KAT6A: variants seen among roughly 807,000 people sequenced by gnomAD.
The protein encoded by KAT6A is lysine acetyltransferase 6A.
A neutral mutation model predicts 198.4 loss-of-function variants in KAT6A; 9 were observed. The ratio of observed to expected loss-of-function variants is 0.05; its 90% CI spans 0.03 to 0.08. KAT6A has a LOEUF of 0.08. Among genes scored for constraint, KAT6A ranks in the 10% least tolerant of loss-of-function variants. KAT6A has a pLI of 1.00. For missense variants in KAT6A, 2,077 were observed against 2,509.9 expected, an observed-to-expected ratio of 0.83 and a Z score of 3.69; for synonymous variants, 890 against 883.0, an observed-to-expected ratio of 1.01 and a Z score of -0.14.
rs137881690 is a variant in KAT6A at position 42,045,750 on chromosome 8, G to A, written c.600+2628C>T. Among the ~76,000 whole-genome samples, 78 of 150,370 alleles carry A rather than the reference G, an allele frequency of 5.2e-4. 3 individuals are homozygous for A. The East Asian group carries it at 0.014, about 27-fold the overall frequency. On this transcript the variant is annotated intron_variant, in intron 2 of 16. Coordinates refer to ENST00000265713, the MANE Select transcript of KAT6A (RefSeq NM_006766.5). The stretch of plus-strand genomic sequence containing the variant: ...CACTTTGAGAGACCGAGGTGGGCAG[G>A]TCGCTTGAGGTCAGGAGTTGAGACC...
At chr8:41,988,498 C>T (rs1487296353) in intron 2 of KAT6A, among the ~76,000 whole-genome samples, 1 of 152,104 alleles carries the variant, frequency 6.6e-6, no homozygotes, top group African/African-American at 2.4e-5. Flanking sequence ...AGGAGATAAT[C>T]ACTTGGAGAA....
rs16890946 is a variant in KAT6A, at chr8:41,941,187, T to C, written c.2694A>G (p.Gln898=). The C allele has an allele frequency of 3.0e-3, 4,812 of 1,614,146 alleles. 103 individuals carry two copies. In the African/African-American group the frequency reaches 0.052, roughly 18 times the overall value. The change falls in exon 15 of 17, where the codon CAA becomes CAG. Residue 898 remains glutamine, a synonymous_variant. Transcript: ENST00000265713. ...LEETSSAPQE[Q]YGECGEKSEA... is the part of the protein sequence containing the mutation. ...CTGATTTCTCCCCACATTCTCCATA[T>C]TGTTCCTGAGGAGCTGAAGACGTCT...
rs1054704165 is a variant in KAT6A at position 41,986,061 on chromosome 8, C to T, written c.709+1394G>A. Among the ~76,000 whole-genome samples the T allele has an allele frequency of 4.6e-5, 7 of 152,272 alleles. No individual in the cohort carries two copies. In the East Asian group the frequency reaches 5.8e-4, roughly 13 times the overall value. On this transcript the variant is annotated intron_variant, in intron 3 of 16. Transcript: ENST00000265713. ...ATTCAAGCAATTATCCTGCCTCAGT[C>T]TCCTGAGTAGCTGGGACTACAGGTG...
rs78292582 is a variant in KAT6A at position 41,994,318 on chromosome 8, C to T, written c.601-6755G>A. ...AATTGCTTCCATCTCAGATTAAATGCCACATGAACTACAAGGTACTGTGTG... is the reference window on the plus strand; with the variant it reads ...AATTGCTTCCATCTCAGATTAAATGTCACATGAACTACAAGGTACTGTGTG... On this transcript the variant is annotated intron_variant, in intron 2 of 16. Transcript: ENST00000265713. Among the ~76,000 whole-genome samples, 105 of 152,278 alleles carry T rather than the reference C, an allele frequency of 6.9e-4. No homozygotes were observed. The East Asian group carries it at 7.1e-3, about 10-fold the overall frequency.
rs1344908100 is a variant in KAT6A at position 41,929,944 on chromosome 8, A to G, written c.*2261T>C. ...TGAGTTTTTAAATTTCTTTTTTAGAAGATTACCCAAGTTATCTTGCTAAAA... is the reference window on the plus strand; with the variant it reads ...TGAGTTTTTAAATTTCTTTTTTAGAGGATTACCCAAGTTATCTTGCTAAAA... On this transcript the variant is annotated 3_prime_UTR_variant, in exon 17 of 17. Transcript: ENST00000265713. 1.4e-5 allele frequency: 3 copies of G among 216,950 alleles called. No homozygotes were observed. The highest frequency in any genetic ancestry group is 2.2e-5 in the African/African-American group (1 of 44,484). The allele number at this position is 216,950 out of a possible 1,614,324, so 13.4% of individuals were successfully genotyped here.
intron 8 of KAT6A, among the ~76,000 whole-genome samples, chr8:41,962,930 C>G (rs562004138): frequency 1.3e-5 from 2 of 152,150 alleles, no homozygotes; most frequent in South Asian, 4.2e-4. Flanking sequence ...TGTTTCATCC[C>G]CTCACCTCCT....
chr8:41,948,895 G>C (rs978811927), intron 10 of KAT6A, among the ~76,000 whole-genome samples: 1 of 136,346 alleles, frequency 7.3e-6, no homozygotes, highest in African/African-American at 3.0e-5. Context: ...ACAGAGCAGA[G>C]GTCACACATC....
At chr8:41,946,493 T>TACACACACAC (rs60247515) in intron 12 of KAT6A, 98 bp downstream of exon 12, 96 of 323,576 alleles carry the variant, frequency 3.0e-4, no homozygotes, top group Non-Finnish European at 3.3e-4. Flanking sequence ...TATATATATA[T>TACACACACAC]ACACACACAC....
At chr8:41,969,550 T>C (rs936152048) in intron 8 of KAT6A, among the ~76,000 whole-genome samples, 2 of 152,148 alleles carry the variant, frequency 1.3e-5, no homozygotes, top group Admixed American at 6.6e-5. Context: ...CTAGCTAACA[T>C]CTTCTCTCAT....
intron 2 of KAT6A, among the ~76,000 whole-genome samples, chr8:42,011,873 G>C (rs1826035128): frequency 6.7e-6 from 1 of 149,830 alleles, no homozygotes; most frequent in Non-Finnish European, 1.5e-5. Context: ...GAAGAACAGA[G>C]GTGTGGGGAA....
rs755194848 is a variant in KAT6A, at chr8:41,937,270, G to A, written c.3338C>T (p.Ser1113Leu). The A allele has an allele frequency of 6.2e-7, 1 of 1,612,840 alleles. No individual in the cohort carries two copies. Among genetic ancestry groups the A allele is most frequent in the East Asian group, 2.2e-5 (1 of 44,852 alleles). The change falls in exon 16 of 17, where the codon TCA becomes TTA. Residue 1113 changes from serine to leucine, a missense_variant. Transcript: ENST00000265713. Reference sequence around the variant, plus strand: ...GTAAAACATACCATCAGCATCATCTGACTCTTCATCTTCTTCTTCATCTTT... The same window carrying A: ...GTAAAACATACCATCAGCATCATCTAACTCTTCATCTTCTTCTTCATCTTT... ...KSKDEEEDEE[S>L]DDADDTPILK...
rs759953985 is a variant in KAT6A at position 41,978,841 on chromosome 8, T to C, written c.908-64A>G. On this transcript the variant is annotated intron_variant, in intron 5 of 16. Coordinates refer to ENST00000265713, the MANE Select transcript of KAT6A (RefSeq NM_006766.5). ...CATAAATACACTGAAAGGTTTCAGATAGTCTTAAGTCAGGATCTTAACTTT... is the reference window on the plus strand; with the variant it reads ...CATAAATACACTGAAAGGTTTCAGACAGTCTTAAGTCAGGATCTTAACTTT... 7.3e-5 allele frequency: 109 copies of C among 1,488,400 alleles called. 2 individuals carry two copies. In the East Asian group the frequency reaches 2.0e-3, roughly 28 times the overall value. 92.2% of individuals were successfully genotyped at this position (1,488,400 alleles called of 1,614,324 possible).
intron 8 of KAT6A, among the ~76,000 whole-genome samples, chr8:41,968,163 A>G (rs1005002654): frequency 6.6e-6 from 1 of 152,228 alleles, no homozygotes; most frequent in Non-Finnish European, 1.5e-5. Flanking sequence ...ACAGCAAAAG[A>G]AACTACCATC....
chr8:41,994,658 A>C (rs1825105409), intron 2 of KAT6A, among the ~76,000 whole-genome samples: 1 of 152,048 alleles, frequency 6.6e-6, no homozygotes, highest in African/African-American at 2.4e-5. Context: ...CTTTTCACTA[A>C]TTAACATGTG....
intron 12 of KAT6A, among the ~76,000 whole-genome samples, chr8:41,946,049 T>C (rs534916550): frequency 2.0e-5 from 3 of 150,682 alleles, no homozygotes; most frequent in African/African-American, 7.3e-5. Context: ...AAAAAAAAAA[T>C]TCGTGTCCAA....
chr8:42,021,731 G>C (rs1187595378), intron 2 of KAT6A, among the ~76,000 whole-genome samples: 1 of 152,268 alleles, frequency 6.6e-6, no homozygotes, highest in Non-Finnish European at 1.5e-5. Context: ...AGGAGTTCAA[G>C]ACCAGCCTGG....
At chr8:42,033,037 C>T (rs373998097) in intron 2 of KAT6A, among the ~76,000 whole-genome samples, 1 of 151,934 alleles carries the variant, frequency 6.6e-6, no homozygotes, top group Non-Finnish European at 1.5e-5. Context: ...TACCACCACA[C>T]TCGGCTAATT....
At position 42,035,265 on chromosome 8, in the gene KAT6A, G is replaced by A. The variant is rs527569313; in HGVS notation, c.600+13113C>T. On this transcript the variant is annotated intron_variant, in intron 2 of 16. Transcript: ENST00000265713. ...TTTAAGCATCAGAATCGATGGCAAT[G>A]GCTCTTACCACTGTAAGAAATGACA... Among the ~76,000 whole-genome samples, 7 of 152,308 alleles carry A rather than the reference G, an allele frequency of 4.6e-5. No homozygotes were observed. The East Asian group carries it at 1.3e-3, about 29-fold the overall frequency.
At chr8:41,991,099 C>T (rs946310506) in intron 2 of KAT6A, among the ~76,000 whole-genome samples, 8 of 149,926 alleles carry the variant, frequency 5.3e-5, no homozygotes, top group Admixed American at 3.3e-4. Context: ...ACGTTATCTA[C>T]TAAAATTGAA....
Sources: allele counts gnomAD v4.1 joint callset (sites outside exome capture counted in the v4.1 genomes callset), GRCh38; gene constraint gnomAD v4.1.1; transcripts MANE v1.5; gene names NCBI Gene and HGNC (gene_info 2026-07-23, HGNC 2026-07-21).